The following TMCO4 variants were observed in gnomAD, a reference collection of about 807,000 sequenced individuals.
TMCO4 encodes transmembrane and coiled-coil domains 4, also known as transmembrane and coiled-coil domain-containing protein 4.
Under a neutral mutation model 64.7 loss-of-function variants are expected in TMCO4, and 58 were observed. That is an observed-to-expected ratio of 0.90 (90% CI 0.73 to 1.12). The LOEUF (loss-of-function observed/expected upper bound fraction) is 1.12. Among genes scored for constraint, TMCO4 ranks in the 50% most tolerant of loss-of-function variants. The pLI is 0.00. For synonymous variants in TMCO4, 325 were observed against 346.1 expected, an observed-to-expected ratio of 0.94 and a Z score of 0.68; for missense variants, 780 against 825.9, an observed-to-expected ratio of 0.94 and a Z score of 0.68.
In TMCO4 at chr1:19,745,503, C is replaced by G. The variant is rs774565015; in HGVS notation, c.877+29G>C. On this transcript the variant is annotated intron_variant, in intron 10 of 15. Transcript: ENST00000294543. ...GGCCCAGGCCACCACTGCCCACCCC[C>G]CTCCACTTCTGGTCCTCCTGGTCCT... 50 of 1,613,774 alleles carry G rather than the reference C, an allele frequency of 3.1e-5. 1 individual carries two copies. The South Asian group carries it at 5.5e-4, about 18-fold the overall frequency.
At chr1:19,790,409 A>C (rs1347814520) in intron 2 of TMCO4, among the ~76,000 whole-genome samples, 1 of 152,242 alleles carries the variant, frequency 6.6e-6, no homozygotes, top group Non-Finnish European at 1.5e-5. Context: ...AAGTTTTTGC[A>C]ATCTATCCAT....
In TMCO4 at chr1:19,691,033, T is replaced by A. The variant is rs547888947; in HGVS notation, c.1500+3401A>T. Among the ~76,000 whole-genome samples the A allele has an allele frequency of 2.3e-4, 35 of 152,124 alleles. No individual in the cohort carries two copies. The South Asian group carries it at 7.3e-3, about 32-fold the overall frequency. The stretch of plus-strand genomic sequence containing the variant: ...ACAGGTGCCCACCGCCACACCTGGC[T>A]AATTTTTTGTATTTTTAGTAGAGAC... On this transcript the variant is annotated intron_variant, in intron 15 of 15. Transcript: ENST00000294543.
rs1467592798 is a variant in TMCO4, at chr1:19,693,182, A to C, written c.1500+1252T>G. Among the ~76,000 whole-genome samples, 15 of 132,534 alleles carry C rather than the reference A, an allele frequency of 1.1e-4. 1 individual carries two copies. Among genetic ancestry groups the C allele is most frequent in the African/African-American group, 2.3e-4 (8 of 34,708 alleles). The allele number at this position is 132,534 out of a possible 152,430, so 86.9% of individuals were successfully genotyped here. Reference sequence around the variant, plus strand: ...CCCATCTCAAAAAAAAAAAAAAAAAAAAAAAAAAAAAAAAAAAAGGCCAGG... The same window carrying C: ...CCCATCTCAAAAAAAAAAAAAAAAACAAAAAAAAAAAAAAAAAAGGCCAGG... On this transcript the variant is annotated intron_variant, in intron 15 of 15. Transcript: ENST00000294543.
intron 13 of TMCO4, among the ~76,000 whole-genome samples, chr1:19,723,978 C>A (rs774761904): frequency 6.6e-6 from 1 of 152,142 alleles, no homozygotes; most frequent in African/African-American, 2.4e-5. Flanking sequence ...GCATTTTAGC[C>A]GGTGGCAACT....
At chr1:19,716,494 T>C (rs1254229945) in intron 13 of TMCO4, among the ~76,000 whole-genome samples, 1 of 150,834 alleles carries the variant, frequency 6.6e-6, no homozygotes, top group Non-Finnish European at 1.5e-5. Context: ...CCTCCCAAAG[T>C]GCTGGGATTA....
intron 15 of TMCO4, 53 bp from the exon 16 acceptor site, chr1:19,683,497 C>T: frequency 6.3e-7 from 1 of 1,588,040 alleles, no homozygotes; most frequent in South Asian, 1.1e-5. Context: ...CCCAGCCCTC[C>T]CCAGGGACCT....
chr1:19,708,376 A>G (rs1459501706), intron 13 of TMCO4, among the ~76,000 whole-genome samples: 1 of 151,134 alleles, frequency 6.6e-6, no homozygotes, highest in Non-Finnish European at 1.5e-5. Context: ...AAATTATCTT[A>G]GCTTTTTAAA....
intron 3 of TMCO4, 73 bp downstream of exon 3, chr1:19,786,953 G>T (rs1042162824): frequency 6.6e-6 from 1 of 152,146 alleles, no homozygotes; most frequent in Non-Finnish European, 1.5e-5. Flanking sequence ...GACAGAAAAT[G>T]TGAACTCAGA....
chr1:19,698,294 G>A (rs2095249866), intron 14 of TMCO4, among the ~76,000 whole-genome samples: 1 of 152,200 alleles, frequency 6.6e-6, no homozygotes, highest in Non-Finnish European at 1.5e-5. Context: ...GTTACAAGGA[G>A]CCCGCCTGAG....
chr1:19,780,429 G>C (rs577814885), intron 4 of TMCO4, 151 bp downstream of exon 4: 19 of 911,504 alleles, frequency 2.1e-5, no homozygotes, highest in Non-Finnish European at 2.3e-5. Flanking sequence ...ACTGGTCCAC[G>C]GCCTGGAGGT....
chr1:19,767,850 GGGAGGCCGAGGTGGGT>G (rs1272639611), intron 6 of TMCO4, among the ~76,000 whole-genome samples: 2 of 152,142 alleles, frequency 1.3e-5, no homozygotes, highest in African/African-American at 4.8e-5. Context: ...TCAACACTTT[GGGAGGCCGAGGTGGGT>G]GGATCACTTG....
intron 13 of TMCO4, among the ~76,000 whole-genome samples, chr1:19,718,533 T>C (rs1416402466): frequency 6.0e-5 from 9 of 150,336 alleles, no homozygotes. Flanking sequence ...TGCGCCTGTA[T>C]TCCCAGCTAT....
At chr1:19,725,444 G>T (rs1277124199) in intron 13 of TMCO4, among the ~76,000 whole-genome samples, 6 of 152,198 alleles carry the variant, frequency 3.9e-5, no homozygotes, top group African/African-American at 1.4e-4. Context: ...AATTGAGTTT[G>T]CTTTCCAACT....
intron 2 of TMCO4, among the ~76,000 whole-genome samples, chr1:19,788,603 C>T (rs937556677): frequency 3.9e-5 from 6 of 152,200 alleles, no homozygotes; most frequent in African/African-American, 7.2e-5. Context: ...GGTGACAATC[C>T]GTTTTGTGCT....
At chr1:19,766,461 A>C (rs1040320652) in intron 6 of TMCO4, among the ~76,000 whole-genome samples, 1 of 152,160 alleles carries the variant, frequency 6.6e-6, no homozygotes, top group African/African-American at 2.4e-5. Context: ...GAGTTCAGAG[A>C]GGTTAAGCGA....
intron 15 of TMCO4, among the ~76,000 whole-genome samples, chr1:19,689,439 G>C (rs919587571): frequency 1.3e-5 from 2 of 152,194 alleles, no homozygotes; most frequent in Non-Finnish European, 2.9e-5. Context: ...GAGGGACTAG[G>C]ATTAAAGGAG....
intron 6 of TMCO4, among the ~76,000 whole-genome samples, chr1:19,770,065 G>C (rs1417668693): frequency 6.6e-6 from 1 of 152,236 alleles, no homozygotes; most frequent in African/African-American, 2.4e-5. Context: ...CACCAGAGGG[G>C]CTGATTTTTT....
At chr1:19,730,300 A>G (rs2095425126) in intron 13 of TMCO4, among the ~76,000 whole-genome samples, 1 of 152,242 alleles carries the variant, frequency 6.6e-6, no homozygotes, top group Non-Finnish European at 1.5e-5. Flanking sequence ...CGACCTGGGC[A>G]TCTACAACAA....
intron 12 of TMCO4, among the ~76,000 whole-genome samples, chr1:19,739,159 A>C (rs2095468558): frequency 6.6e-6 from 1 of 152,202 alleles, no homozygotes; most frequent in Admixed American, 6.5e-5. Flanking sequence ...CTGACAATGC[A>C]GTCATTTCTG....
Sources: allele counts gnomAD v4.1 joint callset (sites outside exome capture counted in the v4.1 genomes callset), GRCh38; gene constraint gnomAD v4.1.1; transcripts MANE v1.5; gene names NCBI Gene and HGNC (gene_info 2026-07-23, HGNC 2026-07-21).